Variants in PTPRD observed in about 807,000 individuals in gnomAD.
PTPRD encodes protein tyrosine phosphatase receptor type D.
PTPRD carries 34 observed loss-of-function variants against 214.5 expected under a neutral mutation model. The observed-to-expected ratio is 0.16, with a 90% confidence interval of 0.12 to 0.21. PTPRD has a LOEUF of 0.21. PTPRD is among the 10% of genes least tolerant of loss of function. PTPRD has a pLI of 1.00. For synonymous variants in PTPRD, 1,128 were observed against 845.7 expected (o/e 1.33, Z -5.79); for missense variants, 2,545 against 2,398.7 (o/e 1.06, Z -1.27).
chr9:9,791,417 C>A lies in PTPRD; in HGVS notation c.-367-24566G>T, dbSNP rs181354305. On this transcript the variant is annotated intron_variant, in intron 5 of 45. Coordinates refer to ENST00000381196, the MANE Select transcript of PTPRD (RefSeq NM_002839.4). ...GAACCTGTGCAATTATAATAACGACCTTTAATTCTTTTCTAATGGCCTAGA... is the reference window on the plus strand; with the variant it reads ...GAACCTGTGCAATTATAATAACGACATTTAATTCTTTTCTAATGGCCTAGA... Among the ~76,000 whole-genome samples, 328 of 152,034 alleles carry A rather than the reference C, an allele frequency of 2.2e-3. 3 individuals are homozygous for A. The highest frequency in any genetic ancestry group is 7.5e-3 in the African/African-American group (312 of 41,510).
chr9:9,537,569 G>C (rs2076773022), intron 8 of PTPRD, among the ~76,000 whole-genome samples: 1 of 151,922 alleles, frequency 6.6e-6, no homozygotes, highest in Non-Finnish European at 1.5e-5. Flanking sequence ...CTTAGAATCT[G>C]TTTTTGAGAA....
chr9:9,227,852 C>T (rs1250362523), intron 9 of PTPRD, among the ~76,000 whole-genome samples: 16 of 152,098 alleles, frequency 1.1e-4, no homozygotes, highest in Non-Finnish European at 2.2e-4. Context: ...CAAGCTGAAA[C>T]TTGATTGCAG....
intron 9 of PTPRD, among the ~76,000 whole-genome samples, chr9:9,265,105 CTAAAG>C (rs1376541548): frequency 6.6e-6 from 1 of 151,586 alleles, no homozygotes; most frequent in Non-Finnish European, 1.5e-5. Context: ...AGTTAACTCA[CTAAAG>C]TAAGTATATA....
At chr9:10,177,725 G>A (rs574947889) in intron 3 of PTPRD, among the ~76,000 whole-genome samples, 5 of 151,818 alleles carry the variant, frequency 3.3e-5, no homozygotes, top group South Asian at 4.2e-4. Flanking sequence ...TTTTGAATTG[G>A]GGTATGTTCT....
chr9:10,090,587 C>G (rs909968597), intron 3 of PTPRD, among the ~76,000 whole-genome samples: 1 of 146,740 alleles, frequency 6.8e-6, no homozygotes, highest in Non-Finnish European at 1.5e-5. Flanking sequence ...TGGTAAAGGG[C>G]AAAATACTCA....
At chr9:8,853,686 G>A (rs1316324097) in intron 11 of PTPRD, among the ~76,000 whole-genome samples, 1 of 152,134 alleles carries the variant, frequency 6.6e-6, no homozygotes, top group African/African-American at 2.4e-5. Context: ...CAGTTGATGT[G>A]TTACATAGGA....
At chr9:10,188,412 A>G (rs2154316986) in intron 3 of PTPRD, among the ~76,000 whole-genome samples, 1 of 152,264 alleles carries the variant, frequency 6.6e-6, no homozygotes, top group African/African-American at 2.4e-5. Flanking sequence ...TTTGAATTCC[A>G]CTTGAATCCT....
chr9:9,982,173 T>C (rs779519412), intron 4 of PTPRD, among the ~76,000 whole-genome samples: 1 of 152,190 alleles, frequency 6.6e-6, no homozygotes, highest in Admixed American at 6.5e-5. Context: ...AAAATACAGA[T>C]CTGTGCCAAG....
At chr9:8,730,930 G>A (rs1370457050) in intron 12 of PTPRD, among the ~76,000 whole-genome samples, 2 of 110,446 alleles carry the variant, frequency 1.8e-5, no homozygotes, top group Admixed American at 1.7e-4. Flanking sequence ...AAATCATCTG[G>A]GCCATTCAAG....
At chr9:9,572,599 G>A (rs1231677734) in intron 8 of PTPRD, among the ~76,000 whole-genome samples, 1 of 144,508 alleles carries the variant, frequency 6.9e-6, no homozygotes, top group Non-Finnish European at 1.5e-5. Context: ...ATATGTATAT[G>A]TGTATATATA....
intron 11 of PTPRD, among the ~76,000 whole-genome samples, chr9:8,804,381 A>G (rs184210343): frequency 6.6e-6 from 1 of 152,116 alleles, no homozygotes; most frequent in East Asian, 1.9e-4. Flanking sequence ...GAGGATCACT[A>G]GAACCCACAA....
intron 8 of PTPRD, among the ~76,000 whole-genome samples, chr9:9,441,419 C>G (rs2087729879): frequency 6.6e-6 from 1 of 152,118 alleles, no homozygotes; most frequent in South Asian, 2.1e-4. Flanking sequence ...CTGAAATTCT[C>G]TATTGGAAAG....
At chr9:10,380,414 T>G (rs1176901767) in intron 2 of PTPRD, among the ~76,000 whole-genome samples, 1 of 152,058 alleles carries the variant, frequency 6.6e-6, no homozygotes, top group Non-Finnish European at 1.5e-5. Flanking sequence ...CAATTGCATT[T>G]GTATCTTTTG....
intron 11 of PTPRD, among the ~76,000 whole-genome samples, chr9:8,840,689 G>C (rs1054372629): frequency 6.6e-6 from 1 of 152,078 alleles, no homozygotes; most frequent in Admixed American, 6.5e-5. Flanking sequence ...TATGTAATTC[G>C]GTGGGCCTAC....
chr9:9,197,009 A>C (rs2099938987), intron 9 of PTPRD, among the ~76,000 whole-genome samples: 1 of 152,220 alleles, frequency 6.6e-6, no homozygotes. Context: ...GAGAATAGAC[A>C]AAAACATAAT....
chr9:10,509,581 T>TATATATATATATATATATATA lies in PTPRD; in HGVS notation c.-600+102816_-600+102817insTATATATATATATATATATAT, dbSNP rs1566622187. On this transcript the variant is annotated intron_variant, in intron 2 of 45. Transcript: ENST00000381196. ...ATTATATATATATATATATATATAT[T>TATATATATATATATATATATA]TTACTCACTTACTTACTTTCTGGCA... Among the ~76,000 whole-genome samples the TATATATATATATATATATATA allele has an allele frequency of 2.4e-3, 139 of 58,902 alleles. 2 individuals are homozygous for TATATATATATATATATATATA. Among genetic ancestry groups the TATATATATATATATATATATA allele is most frequent in the African/African-American group, 9.8e-3 (131 of 13,314 alleles). 38.6% of individuals were successfully genotyped at this position (58,902 alleles called of 152,430 possible).
chr9:10,575,912 T>G (rs1156362922), intron 2 of PTPRD, among the ~76,000 whole-genome samples: 1 of 152,172 alleles, frequency 6.6e-6, no homozygotes, highest in Admixed American at 6.5e-5. Context: ...AATCTCCTCA[T>G]TGATTTTGAC....
chr9:8,486,797 A>C (rs1315232966), intron 27 of PTPRD, among the ~76,000 whole-genome samples: 3 of 152,222 alleles, frequency 2.0e-5, no homozygotes, highest in African/African-American at 7.2e-5. Flanking sequence ...CAATTGGTTT[A>C]CATTCCTGAC....
intron 3 of PTPRD, among the ~76,000 whole-genome samples, chr9:10,295,748 G>A (rs143746260): frequency 6.6e-6 from 1 of 151,946 alleles, no homozygotes; most frequent in Non-Finnish European, 1.5e-5. Context: ...ATCATCCTAC[G>A]TTACCCTTAC....
Sources: gnomAD v4.1 joint callset for allele counts (sites outside exome capture counted in the v4.1 genomes callset) on GRCh38, gnomAD v4.1.1 for gene constraint, MANE v1.5 for transcripts, NCBI Gene and HGNC (gene_info 2026-07-23, HGNC 2026-07-21) for gene names.